AEN: variants seen among roughly 807,000 people sequenced by gnomAD.
AEN encodes the protein apoptosis-enhancing nuclease.
AEN carries 21 observed loss-of-function variants against 17.7 expected under a neutral mutation model. That is an observed-to-expected ratio of 1.19 (90% confidence interval 0.84 to 1.71). The LOEUF (loss-of-function observed/expected upper bound fraction) is 1.71. AEN is among the 40% of genes most tolerant of loss of function. The pLI is 0.00. For synonymous variants in AEN, 190 were observed against 173.0 expected, an observed-to-expected ratio of 1.10 and a Z score of -0.77; for missense variants, 462 against 435.9, an observed-to-expected ratio of 1.06 and a Z score of -0.53.
chr15:88,606,485 T>C, the AEN span, among the ~76,000 whole-genome samples: 8 of 152,122 alleles, frequency 5.3e-5, no homozygotes, highest in Admixed American at 3.9e-4. Flanking sequence ...AGGGGAAAGA[T>C]AGCGGAGGGA....
Position 88,626,691 on chromosome 15 carries a change from G to A in AEN, c.482G>A (p.Ser161Asn). The A allele has an allele frequency of 6.2e-7, 1 of 1,613,656 alleles. No homozygotes were observed. The highest frequency in any genetic ancestry group is 8.5e-7 in the Non-Finnish European group (1 of 1,180,048). The change falls in exon 2 of 4, where the codon AGT becomes AAT. Residue 161 changes from serine to asparagine, a missense_variant. By Grantham distance (46) the Ser-to-Asn change is conservative. Transcript: ENST00000332810. Reference protein sequence around the residue: ...MPIADYRTRWSGITRQHMRKA... With the variant: ...MPIADYRTRWNGITRQHMRKA... ...ATCGCTGACTACCGTACCCGCTGGA[G>A]TGGCATCACTCGGCAGCACATGCGC...
chr15:88,630,372 T>C lies in AEN; in HGVS notation c.*78T>C. The C allele has an allele frequency of 7.2e-7, 1 of 1,395,150 alleles. No individual in the cohort carries two copies. The highest frequency in any genetic ancestry group is 1.3e-5 in the South Asian group (1 of 77,044). 86.4% of individuals were successfully genotyped at this position (1,395,150 alleles called of 1,614,324 possible). On this transcript the variant is annotated 3_prime_UTR_variant, in exon 4 of 4. Coordinates refer to ENST00000332810, the MANE Select transcript of AEN (RefSeq NM_022767.4). The surrounding 1 kb of genome is among the most constrained non-coding windows in gnomAD (Gnocchi z 5.1). ...GGGCCAGGAGAGCAGCGGGCACTCC[T>C]TCCTGGGCAGGGTGGGGCAGGATGC...
chr15:88,623,580 G>T (rs1187046239), intron 1 of AEN, among the ~76,000 whole-genome samples: 1 of 152,220 alleles, frequency 6.6e-6, no homozygotes, highest in Non-Finnish European at 1.5e-5. Flanking sequence ...TAGACTGTGT[G>T]TACCAATGGA....
chr15:88,607,064 C>G, the AEN span, among the ~76,000 whole-genome samples: 1 of 152,154 alleles, frequency 6.6e-6, no homozygotes, highest in South Asian at 2.1e-4. Context: ...GTTTGATAGT[C>G]ATCCCTGCCC....
chr15:88,612,686 C>G, the AEN span, among the ~76,000 whole-genome samples: 1 of 151,952 alleles, frequency 6.6e-6, no homozygotes, highest in African/African-American at 2.4e-5. Flanking sequence ...CTGCAACCTC[C>G]ACCTCCTGGG....
At chr15:88,613,585 T>TGG in the AEN span, among the ~76,000 whole-genome samples, 2 of 106,916 alleles carry the variant, frequency 1.9e-5, no homozygotes, top group African/African-American at 6.6e-5. Flanking sequence ...AACAAGCATC[T>TGG]CGGGGGGGGA....
chr15:88,630,853 C>A lies in AEN; in HGVS notation c.*559C>A, dbSNP rs1244404977. On this transcript the variant is annotated 3_prime_UTR_variant, in exon 4 of 4. Coordinates refer to ENST00000332810, the MANE Select transcript of AEN (RefSeq NM_022767.4). This position sits in a 1 kb window ranked among gnomAD's most constrained non-coding sequence, Gnocchi z 5.1. ...AAGAGGAGTTAAGTCCTAAAGGAGG[C>A]ATTTCTTCCCCACCTCCCTGACCTG... The A allele has an allele frequency of 3.7e-6, 1 of 267,756 alleles. No homozygotes were observed. The highest frequency in any genetic ancestry group is 7.8e-6 in the Non-Finnish European group (1 of 128,706). 16.6% of individuals were successfully genotyped at this position (267,756 alleles called of 1,614,324 possible).
the AEN span, among the ~76,000 whole-genome samples, chr15:88,612,103 C>T: frequency 2.0e-5 from 3 of 152,194 alleles, no homozygotes; most frequent in African/African-American, 7.2e-5. Flanking sequence ...GGAAGTGGGG[C>T]AGGGTCTCTG....
chr15:88,632,170 TG>T lies in AEN; in HGVS notation c.*1878del. ...CAATTGAGCAGTAGCTTTGATCCCT[TG>T]GTCTGGGGGTCGAAGGAAGATGGTG... On this transcript the variant is annotated 3_prime_UTR_variant, in exon 4 of 4. Transcript: ENST00000332810. The T allele has an allele frequency of 6.6e-6, 1 of 152,312 alleles. No individual in the cohort carries two copies. The allele number at this position is 152,312 out of a possible 1,614,324, so 9.4% of individuals were successfully genotyped here.
At chr15:88,607,462 G>C in the AEN span, among the ~76,000 whole-genome samples, 2 of 152,174 alleles carry the variant, frequency 1.3e-5, no homozygotes, top group Non-Finnish European at 2.9e-5. Flanking sequence ...AGAGGAAATC[G>C]CTAGCAAGTT....
chr15:88,611,725 T>G, the AEN span: 1 of 316,284 alleles, frequency 3.2e-6, no homozygotes, highest in Admixed American at 5.5e-5. Flanking sequence ...ATGAACTTAG[T>G]AATAGGAGCG....
the AEN span, among the ~76,000 whole-genome samples, chr15:88,612,571 T>A: frequency 3.0e-3 from 425 of 140,538 alleles, 3 homozygotes; most frequent in African/African-American, 0.01. Context: ...TTTCCCAGCC[T>A]TTTATTTATT....
the AEN span, among the ~76,000 whole-genome samples, chr15:88,612,518 A>C: frequency 6.6e-6 from 1 of 152,186 alleles, no homozygotes; most frequent in African/African-American, 2.4e-5. Flanking sequence ...ACCATCCCCC[A>C]CTGTGGCAGG....
chr15:88,623,306 G>A (rs2057810999), intron 1 of AEN, among the ~76,000 whole-genome samples: 1 of 152,208 alleles, frequency 6.6e-6, no homozygotes, highest in Admixed American at 6.5e-5. Context: ...GTCAGGTCTG[G>A]ATGAGTCAAG....
At position 88,626,378 on chromosome 15, in the gene AEN, C is replaced by A; in HGVS notation, c.169C>A (p.Pro57Thr). The A allele has an allele frequency of 6.2e-7, 1 of 1,612,836 alleles. No individual in the cohort carries two copies. The highest frequency in any genetic ancestry group is 1.3e-5 in the African/African-American group (1 of 75,068). Residue 57 changes from proline (P) to threonine (T), a missense_variant, in exon 2 of 4, where the codon CCA (proline) becomes ACA (threonine). Physicochemically the swap from Pro to Thr is conservative, Grantham distance 38. Transcript: ENST00000332810. Reference sequence around the variant, plus strand: ...GGAGCAGGGGCTGCTGAGCATGCCTCCAGAACCAGGGTCCTCCCCACTGCC... The same window carrying A: ...GGAGCAGGGGCTGCTGAGCATGCCTACAGAACCAGGGTCCTCCCCACTGCC... ...LQEQGLLSMPPEPGSSPLPTP... is the reference protein window; with the variant it reads ...LQEQGLLSMPTEPGSSPLPTP...
chr15:88,611,885 A>T, the AEN span: 3 of 519,306 alleles, frequency 5.8e-6, no homozygotes, highest in Non-Finnish European at 1.2e-5. Context: ...TTGTTGTCTT[A>T]CTGCGCTCAA....
At chr15:88,605,905 C>T in the AEN span, among the ~76,000 whole-genome samples, 4 of 152,240 alleles carry the variant, frequency 2.6e-5, no homozygotes, top group Non-Finnish European at 4.4e-5. The surrounding 1 kb of genome is among the most constrained non-coding windows in gnomAD (Gnocchi z 7.6). Context: ...CACTTGCGCT[C>T]GCGGCCCCTC....
At chr15:88,622,583 A>G (rs2057801598) in intron 1 of AEN, among the ~76,000 whole-genome samples, 2 of 152,230 alleles carry the variant, frequency 1.3e-5, no homozygotes, top group African/African-American at 2.4e-5. Flanking sequence ...TCTAGGGGGT[A>G]TGTGACAGGG....
the AEN span, among the ~76,000 whole-genome samples, chr15:88,609,496 C>G: frequency 6.6e-6 from 1 of 152,104 alleles, no homozygotes; most frequent in Admixed American, 6.5e-5. Flanking sequence ...TTGAGGATCC[C>G]CATCATCCAT....
Sources: gnomAD v4.1 joint callset for allele counts (sites outside exome capture counted in the v4.1 genomes callset) on GRCh38, gnomAD v4.1.1 for gene constraint, Gnocchi (gnomAD v3.1) non-coding constraint, MANE v1.5 for transcripts, NCBI Gene and HGNC (gene_info 2026-07-23, HGNC 2026-07-21) for gene names.